Variants in BRPF1 observed in about 807,000 individuals in gnomAD.
The protein encoded by BRPF1 is bromodomain and PHD finger containing 1.
A neutral mutation model predicts 115.0 loss-of-function variants in BRPF1; 15 were observed. The ratio of observed to expected loss-of-function variants is 0.13; its 90% CI spans 0.09 to 0.20. BRPF1 has a LOEUF of 0.20. Among genes scored for constraint, BRPF1 ranks in the 10% least tolerant of loss-of-function variants. The pLI, the probability that BRPF1 is intolerant of heterozygous loss-of-function variation, is 1.00. For synonymous variants in BRPF1, 647 were observed against 619.8 expected (o/e 1.04, Z -0.65); for missense variants, 1,118 against 1,638.3 (o/e 0.68, Z 5.48).
At chr3:9,740,091 T>A in intron 3 of BRPF1, 133 bp downstream of exon 3, 1 of 1,395,168 alleles carries the variant, frequency 7.2e-7, no homozygotes, top group Non-Finnish European at 9.3e-7. Context: ...AAAGAACATA[T>A]TTTCAAAACA....
intron 3 of BRPF1, 36 bp downstream of exon 3, chr3:9,739,994 GA>G: frequency 6.6e-7 from 1 of 1,519,402 alleles, no homozygotes; most frequent in Non-Finnish European, 8.8e-7. Context: ...AGATGAGGGA[GA>G]AAGGAGCCTC....
intron 3 of BRPF1, 92 bp from the exon 4 acceptor site, chr3:9,740,687 C>T: frequency 6.8e-7 from 1 of 1,479,478 alleles, no homozygotes; most frequent in Non-Finnish European, 9.3e-7. Context: ...TCCCTTCATC[C>T]CCATTCAGGA....
rs2077156186 is a variant in BRPF1, at chr3:9,747,959, T to C, written c.*610T>C. 6.6e-6 allele frequency: 1 copy of C among 152,606 alleles called. No homozygotes were observed. The highest frequency in any genetic ancestry group is 1.5e-5 in the Non-Finnish European group (1 of 68,062). The allele number at this position is 152,606 out of a possible 1,614,324, so 9.5% of individuals were successfully genotyped here. On this transcript the variant is annotated 3_prime_UTR_variant, in exon 14 of 14. Coordinates refer to ENST00000383829, the MANE Select transcript of BRPF1 (RefSeq NM_001003694.2). This position sits in a 1 kb window ranked among gnomAD's most constrained non-coding sequence, Gnocchi z 5.6. The stretch of plus-strand genomic sequence containing the variant: ...CCCCCACCTTTCAAACTGGTTTGTA[T>C]TTATTTCAAAGGAAGAAAATATATT...
intron 2 of BRPF1, among the ~76,000 whole-genome samples, chr3:9,736,591 C>T (rs1469010772): frequency 6.6e-6 from 1 of 152,158 alleles, no homozygotes; most frequent in Non-Finnish European, 1.5e-5. Flanking sequence ...GCAGCCCAGC[C>T]CAGCTCATTC....
At chr3:9,746,263 T>C in intron 12 of BRPF1, 37 bp from the exon 13 acceptor site, 14 of 1,512,520 alleles carry the variant, frequency 9.3e-6, no homozygotes, top group Non-Finnish European at 1.2e-5. Flanking sequence ...TGGGAGGACA[T>C]GGACTGAACC....
chr3:9,734,734 T>C lies in BRPF1; in HGVS notation c.594T>C (p.Tyr198=). ...ATGCCCCACCCCGGCCAACTTCCTA[T>C]TACCGGTAAGGCCACCTCTACCTTG... ...TPDAPPRPTS[Y]YRYIEKSAEE... Residue 198 remains tyrosine (Y), a synonymous_variant, in exon 2 of 14, where the codon TAT becomes TAC. Coordinates refer to ENST00000383829, the MANE Select transcript of BRPF1 (RefSeq NM_001003694.2). The surrounding 1 kb of genome is among the most constrained non-coding windows in gnomAD (Gnocchi z 5.7). The C allele has an allele frequency of 6.2e-7, 1 of 1,613,778 alleles. No homozygotes were observed. The highest frequency in any genetic ancestry group is 8.5e-7 in the Non-Finnish European group (1 of 1,179,818).
In BRPF1 at chr3:9,739,542, C is replaced by T. The variant is rs759256454; in HGVS notation, c.1143C>T (p.Arg381=). 4 of 1,613,244 alleles carry T rather than the reference C, an allele frequency of 2.5e-6. No homozygotes were observed. The South Asian group carries it at 4.4e-5, about 18-fold the overall frequency. ...IDSIEHIPPA[R]WKLTCYICKQ... ...GCATTGAGCACATCCCACCAGCTCG[C>T]TGGAAGCTCACCTGCTACATTTGCA... Residue 381 remains arginine, a synonymous_variant, in exon 3 of 14, where the codon CGC becomes CGT. Transcript: ENST00000383829.
Position 9,744,413 on chromosome 3 carries a change from T to C in BRPF1, c.2825T>C (p.Met942Thr), listed in dbSNP as rs1264602439. The C allele has an allele frequency of 2.5e-6, 4 of 1,610,936 alleles. No homozygotes were observed. The Admixed American group carries it at 5.0e-5, about 20-fold the overall frequency. The part of the protein sequence containing the change: ...SPVGPPQLPI[M>T]SSLRQRKRGR... ...GTGGGGCCCCCCCAGCTCCCCATCATGAGTTCCCTGCGTCAGCGCAAGCGG... is the reference window on the plus strand; with the variant it reads ...GTGGGGCCCCCCCAGCTCCCCATCACGAGTTCCCTGCGTCAGCGCAAGCGG... Residue 942 changes from methionine (M) to threonine (T), a missense_variant, in exon 9 of 14, where the codon ATG becomes ACG. Physicochemically the swap from Met to Thr is moderately conservative, Grantham distance 81 (BLOSUM62 -1). Around this residue, in one of 10 missense-constraint regions of BRPF1, gnomAD observed 92 missense variants for 102.2 expected, o/e 0.90. Coordinates refer to ENST00000383829, the MANE Select transcript of BRPF1 (RefSeq NM_001003694.2).
chr3:9,735,655 G>A (rs906738648), intron 2 of BRPF1, among the ~76,000 whole-genome samples: 3 of 152,174 alleles, frequency 2.0e-5, no homozygotes, highest in African/African-American at 7.2e-5. Context: ...TGTTTAAGCA[G>A]TATTTTATAC....
At chr3:9,741,133 A>C (rs1181016722) in intron 4 of BRPF1, among the ~76,000 whole-genome samples, 175 bp from the exon 5 acceptor site, 3 of 152,208 alleles carry the variant, frequency 2.0e-5, no homozygotes, top group Non-Finnish European at 4.4e-5. Context: ...TCATTCAACA[A>C]ACACATACCA....
Position 9,743,114 on chromosome 3 carries a change from A to G in BRPF1, c.2172A>G (p.Ala724=), listed in dbSNP as rs1352606212. The change falls in exon 7 of 14, where the codon GCA becomes GCG. Residue 724 remains alanine (A), a synonymous_variant. Transcript: ENST00000383829. This position sits in a 1 kb window ranked among gnomAD's most constrained non-coding sequence, Gnocchi z 6.1. ...NAKDTIFYRA[A]VRLREQGGAV... is the part of the protein sequence containing the mutation. ...AGGACACCATCTTCTACCGGGCAGC[A>G]GTGCGGCTTCGTGAGCAGGGTGGTG... 1 of 1,614,146 alleles carries G rather than the reference A, an allele frequency of 6.2e-7. No individual in the cohort carries two copies. The highest frequency in any genetic ancestry group is 1.3e-5 in the African/African-American group (1 of 74,944).
At chr3:9,732,276 C>T (rs1371032441) in intron 1 of BRPF1, 138 bp downstream of exon 1, 1 of 152,370 alleles carries the variant, frequency 6.6e-6, no homozygotes, top group Non-Finnish European at 1.5e-5. Context: ...TGCATTGCTT[C>T]CCAGCAGGCA....
Position 9,743,553 on chromosome 3 carries a change from C to G in BRPF1, c.2312-25C>G. ...CCCTGAGGGCTGCCCTGAGTCTGAC[C>G]TTTCCCCTCCAACCCTACCCCTAGC... is the stretch of plus-strand genomic sequence containing the variant. On this transcript the variant is annotated intron_variant, in intron 7 of 13. Transcript: ENST00000383829. The surrounding 1 kb of genome is among the most constrained non-coding windows in gnomAD (Gnocchi z 6.1). 1 of 1,598,940 alleles carries G rather than the reference C, an allele frequency of 6.3e-7. No homozygotes were observed. The highest frequency in any genetic ancestry group is 8.5e-7 in the Non-Finnish European group (1 of 1,171,446).
chr3:9,742,901 G>C, intron 6 of BRPF1, 43 bp from the exon 7 acceptor site: 1 of 1,586,074 alleles, frequency 6.3e-7, no homozygotes, highest in Non-Finnish European at 8.6e-7. Context: ...GGGGCAATAA[G>C]GAGGATATCT....
At chr3:9,732,917 C>T (rs1371183267) in intron 1 of BRPF1, among the ~76,000 whole-genome samples, 3 of 152,156 alleles carry the variant, frequency 2.0e-5, no homozygotes, top group Non-Finnish European at 4.4e-5. Flanking sequence ...GGGGCAGTCT[C>T]TGACCAAGCT....
chr3:9,743,454 A>G lies in BRPF1; in HGVS notation c.2312-124A>G, dbSNP rs577672955. On this transcript the variant is annotated intron_variant, in intron 7 of 13. Transcript: ENST00000383829. This position sits in a 1 kb window ranked among gnomAD's most constrained non-coding sequence, Gnocchi z 6.1. ...CGCCATTCCACATCTTGGTGCTGCT[A>G]TTTTACAGCTGTTCCTGGTGAGAAG... The G allele has an allele frequency of 1.6e-5, 20 of 1,270,590 alleles. No homozygotes were observed. Among genetic ancestry groups the G allele is most frequent in the African/African-American group, 1.0e-4 (7 of 66,698 alleles). 78.7% of individuals were successfully genotyped at this position (1,270,590 alleles called of 1,614,324 possible). A position where few individuals can be genotyped will look rare whatever the true frequency, so the allele number is the denominator to read the frequency against.
chr3:9,739,519 A>G lies in BRPF1; in HGVS notation c.1120A>G (p.Ile374Val). ...NTVFLEPIDSIEHIPPARWKL... is the reference protein window; with the variant it reads ...NTVFLEPIDSVEHIPPARWKL... ...GGTCTTCCTAGAGCCTATTGACAGC[A>G]TTGAGCACATCCCACCAGCTCGCTG... The change falls in exon 3 of 14, where the codon ATT (isoleucine) becomes GTT (valine). Residue 374 changes from isoleucine (I) to valine (V), a missense_variant. Ile to Val is a conservative substitution (Grantham distance 29). Coordinates refer to ENST00000383829, the MANE Select transcript of BRPF1 (RefSeq NM_001003694.2). 1 of 1,613,724 alleles carries G rather than the reference A, an allele frequency of 6.2e-7. No homozygotes were observed.
chr3:9,731,790 G>A lies in BRPF1; in HGVS notation c.-359G>A, dbSNP rs2076855369. ...TGCCGCCGCCGCTGCCACAGCCTTT[G>A]CCGCCACGGTCTCCGCCGCCGCTGT... On this transcript the variant is annotated 5_prime_UTR_variant, in exon 1 of 14. Transcript: ENST00000383829. 6.3e-6 allele frequency: 1 copy of A among 157,684 alleles called. No individual in the cohort carries two copies. The highest frequency in any genetic ancestry group is 1.4e-5 in the Non-Finnish European group (1 of 71,854). The allele number at this position is 157,684 out of a possible 1,614,324, so 9.8% of individuals were successfully genotyped here. A position where few individuals can be genotyped will look rare whatever the true frequency, so the allele number is the denominator to read the frequency against.
chr3:9,746,261 C>A, intron 12 of BRPF1, 39 bp from the exon 13 acceptor site: 1 of 1,511,436 alleles, frequency 6.6e-7, no homozygotes. Context: ...CTTGGGAGGA[C>A]ATGGACTGAA....
Sources: gnomAD v4.1 joint callset for allele counts (sites outside exome capture counted in the v4.1 genomes callset) on GRCh38, gnomAD v4.1.1 for gene constraint, gnomAD v4.1.1 regional missense constraint, Gnocchi (gnomAD v3.1) non-coding constraint, MANE v1.5 for transcripts, NCBI Gene and HGNC (gene_info 2026-07-23, HGNC 2026-07-21) for gene names.